SI: variants seen among roughly 807,000 people sequenced by gnomAD.
The protein encoded by SI is sucrase-isomaltase, also known as sucrase-isomaltase, intestinal.
SI carries 235 observed loss-of-function variants against 253.3 expected under a neutral mutation model. The ratio of observed to expected loss-of-function variants is 0.93; its 90% CI spans 0.83 to 1.03. The LOEUF (loss-of-function observed/expected upper bound fraction) is 1.03. Ranked by LOEUF, SI falls within the 50% of genes least tolerant of loss-of-function variation. The pLI is 0.00. For synonymous variants in SI, 819 were observed against 712.0 expected, an observed-to-expected ratio of 1.15 and a Z score of -2.39; for missense variants, 2,442 against 2,211.1, an observed-to-expected ratio of 1.10 and a Z score of -2.09.
At chr3:165,006,776 A>G in intron 37 of SI, 40 bp downstream of exon 37, 1 of 1,570,458 alleles carries the variant, frequency 6.4e-7, no homozygotes, top group Non-Finnish European at 8.8e-7. Flanking sequence ...AGAACCAAAG[A>G]ATAAAAGAGT....
intron 7 of SI, among the ~76,000 whole-genome samples, chr3:165,064,339 TG>T (rs1714123806): frequency 2.0e-5 from 3 of 151,986 alleles, no homozygotes; most frequent in African/African-American, 7.2e-5. Context: ...AAGGAAAGGA[TG>T]TATGGAAATT....
At chr3:165,078,704 G>A (rs1254520470), upstream of SI, among the ~76,000 whole-genome samples, 1 of 151,532 alleles carries the variant, frequency 6.6e-6, no homozygotes, top group African/African-American at 2.4e-5. Context: ...TCTCAAAGCT[G>A]TGAACTATTA....
chr3:165,023,628 G>T lies in SI; in HGVS notation c.3041C>A (p.Pro1014His). 1.9e-6 allele frequency: 3 copies of T among 1,610,856 alleles called. No individual in the cohort carries two copies. Among genetic ancestry groups the T allele is most frequent in the Non-Finnish European group, 2.5e-6 (3 of 1,177,954 alleles). Residue 1014 changes from proline (P) to histidine (H), a missense_variant, in exon 26 of 48, where the codon CCC becomes CAC. Physicochemically the swap from Pro to His is moderately conservative, Grantham distance 77. Transcript: ENST00000264382. ...CACCTCCACACGAAGAGTTGAGATG[G>T]GGTCAGAAGGTAACTTTATTCTGGC... ...ANARIKLPSD[P>H]ISTLRVEVKY...
At chr3:165,084,271 C>A in the SI span, among the ~76,000 whole-genome samples, 1 of 151,996 alleles carries the variant, frequency 6.6e-6, no homozygotes, top group Non-Finnish European at 1.5e-5. Context: ...TTTCTCAACA[C>A]CCATGATTGT....
the SI span, among the ~76,000 whole-genome samples, chr3:165,085,224 C>T: frequency 6.6e-6 from 1 of 152,074 alleles, no homozygotes; most frequent in African/African-American, 2.4e-5. Flanking sequence ...TTTCTTCACA[C>T]ATAAAACCTA....
the SI span, among the ~76,000 whole-genome samples, chr3:165,086,140 G>A: frequency 6.6e-6 from 1 of 152,030 alleles, no homozygotes; most frequent in Non-Finnish European, 1.5e-5. Flanking sequence ...TGTAATCCCA[G>A]CTACTTGGGA....
At chr3:165,026,089 C>A (rs565077408) in intron 25 of SI, among the ~76,000 whole-genome samples, 29 of 151,378 alleles carry the variant, frequency 1.9e-4, no homozygotes, top group African/African-American at 6.8e-4. Flanking sequence ...CTCCAAGAGA[C>A]TCACCTAACA....
intron 23 of SI, 86 bp downstream of exon 23, chr3:165,033,309 A>C (rs1240759846): frequency 1.6e-6 from 2 of 1,255,372 alleles, no homozygotes; most frequent in Non-Finnish European, 2.1e-6. Flanking sequence ...AAATGTAAAC[A>C]TCTTTTCCAA....
At chr3:165,078,241 T>G (rs1188053901) in intron 1 of SI, among the ~76,000 whole-genome samples, 192 bp downstream of exon 1, 5 of 150,724 alleles carry the variant, frequency 3.3e-5, no homozygotes, top group Non-Finnish European at 7.4e-5. Context: ...ATCCTGTATT[T>G]AAAAAAAAAT....
At chr3:165,050,027 A>G in intron 13 of SI, 152 bp from the exon 14 acceptor site, 1 of 625,894 alleles carries the variant, frequency 1.6e-6, no homozygotes, top group Non-Finnish European at 2.9e-6. Context: ...ACCTAAAAAT[A>G]AACAGAATGT....
chr3:165,064,219 A>C (rs1714116384), intron 7 of SI, among the ~76,000 whole-genome samples: 1 of 152,116 alleles, frequency 6.6e-6, no homozygotes, highest in South Asian at 2.1e-4. Context: ...AAAATTTAGT[A>C]GTCTGTTTCT....
intron 40 of SI, among the ~76,000 whole-genome samples, chr3:164,995,390 C>A (rs962117802): frequency 4.6e-5 from 7 of 151,732 alleles, no homozygotes; most frequent in African/African-American, 1.7e-4. Context: ...TGCTTATTGA[C>A]CTCATTAATA....
intron 9 of SI, among the ~76,000 whole-genome samples, chr3:165,060,386 C>A (rs767698542): frequency 1.3e-5 from 2 of 151,892 alleles, no homozygotes; most frequent in Admixed American, 6.6e-5. Flanking sequence ...AAATTTTCCA[C>A]CACACTCCTA....
intron 36 of SI, 143 bp downstream of exon 36, chr3:165,007,768 T>C: frequency 3.9e-6 from 1 of 255,614 alleles, no homozygotes; most frequent in Non-Finnish European, 7.2e-6. Flanking sequence ...TCTATATATA[T>C]CAAACTGATT....
upstream of SI, among the ~76,000 whole-genome samples, chr3:165,080,196 C>A (rs934164104): frequency 1.3e-5 from 2 of 151,920 alleles, no homozygotes; most frequent in African/African-American, 4.8e-5. Context: ...ATTGTTTTCC[C>A]TTTAATTTTA....
chr3:165,016,816 T>C (rs1180562668), intron 31 of SI, among the ~76,000 whole-genome samples: 1 of 151,972 alleles, frequency 6.6e-6, no homozygotes, highest in Non-Finnish European at 1.5e-5. Flanking sequence ...TTTTAAATAA[T>C]AAATTTCCAC....
chr3:165,025,166 G>A (rs569743797), intron 25 of SI, among the ~76,000 whole-genome samples: 8 of 151,140 alleles, frequency 5.3e-5, no homozygotes, highest in South Asian at 4.2e-4. Flanking sequence ...AGCTTATTTC[G>A]TTGATGATAT....
chr3:165,023,336 T>C (rs986067337), intron 26 of SI, among the ~76,000 whole-genome samples: 8 of 151,566 alleles, frequency 5.3e-5, no homozygotes, highest in African/African-American at 1.9e-4. Context: ...TGTAAGAATT[T>C]AAATTTATTT....
At chr3:165,059,557 T>C (rs1043763696) in intron 10 of SI, among the ~76,000 whole-genome samples, 5 of 151,978 alleles carry the variant, frequency 3.3e-5, no homozygotes, top group Non-Finnish European at 7.4e-5. Context: ...TATACGTGGA[T>C]TTCAACATAC....
Sources: gnomAD v4.1 joint callset for allele counts (sites outside exome capture counted in the v4.1 genomes callset) on GRCh38, gnomAD v4.1.1 for gene constraint, MANE v1.5 for transcripts, NCBI Gene and HGNC (gene_info 2026-07-23, HGNC 2026-07-21) for gene names.